SLC15A5: variants seen among roughly 807,000 people sequenced by gnomAD.
SLC15A5 encodes Peptide/histidine transporter ENSP00000340402.
In SLC15A5, 58 loss-of-function variants were observed where a neutral mutation model predicts 56.1. The ratio of observed to expected loss-of-function variants is 1.03; its 90% CI spans 0.84 to 1.29. The LOEUF (loss-of-function observed/expected upper bound fraction) is 1.29, where lower values mean the gene tolerates loss of function less well. SLC15A5 is among the 50% of genes most tolerant of loss of function. The pLI, the probability that SLC15A5 is intolerant of heterozygous loss-of-function variation, is 0.00. For synonymous variants in SLC15A5, 264 were observed against 250.5 expected, an observed-to-expected ratio of 1.05 and a Z score of -0.51; for missense variants, 681 against 672.1, an observed-to-expected ratio of 1.01 and a Z score of -0.15.
intron 2 of SLC15A5, among the ~76,000 whole-genome samples, chr12:16,263,355 G>A (rs2136814259): frequency 6.6e-6 from 1 of 152,114 alleles, no homozygotes. Flanking sequence ...GATGATTTAG[G>A]GCATCTGGCA....
chr12:16,248,077 CT>C (rs1864480145), intron 3 of SLC15A5, among the ~76,000 whole-genome samples: 1 of 152,012 alleles, frequency 6.6e-6, no homozygotes, highest in South Asian at 2.1e-4. Flanking sequence ...AAGATGTCTA[CT>C]TTTTTCCCCC....
rs146861223 is a variant in SLC15A5 at position 16,210,050 on chromosome 12, C to T, written c.1483+6843G>A. On this transcript the variant is annotated intron_variant, in intron 7 of 8. Coordinates refer to ENST00000344941, the MANE Select transcript of SLC15A5 (RefSeq NM_001170798.1). ...CTCCAATGTGACTTCATGCCATTTC[C>T]TCCTTTTTTGAATATTTTCAGCTTA... is the stretch of plus-strand genomic sequence containing the variant. 9.5e-4 allele frequency among the ~76,000 whole-genome samples: 144 copies of T among 152,248 alleles called. 1 individual carries two copies. The highest frequency in any genetic ancestry group is 3.3e-3 in the African/African-American group (136 of 41,548).
intron 1 of SLC15A5, among the ~76,000 whole-genome samples, chr12:16,273,793 T>C (rs977432205): frequency 6.6e-6 from 1 of 150,590 alleles, no homozygotes; most frequent in South Asian, 2.1e-4. Flanking sequence ...AAGTAATACA[T>C]TCTTACTTCA....
chr12:16,238,707 T>C (rs558725445), intron 5 of SLC15A5, among the ~76,000 whole-genome samples: 1 of 151,676 alleles, frequency 6.6e-6, no homozygotes, highest in African/African-American at 2.4e-5. Context: ...ACTATTTCAA[T>C]AGAATTGTTT....
Position 16,202,437 on chromosome 12 carries a change from G to A in SLC15A5, c.1484-7984C>T, listed in dbSNP as rs553082418. 6.0e-4 allele frequency among the ~76,000 whole-genome samples: 92 copies of A among 152,214 alleles called. 1 individual carries two copies. The highest frequency in any genetic ancestry group is 2.0e-3 in the African/African-American group (84 of 41,576). On this transcript the variant is annotated intron_variant, in intron 7 of 8. Coordinates refer to ENST00000344941, the MANE Select transcript of SLC15A5 (RefSeq NM_001170798.1). ...CCAGTGAGAACGTTATGAAAAAGAT[G>A]AAAGATAAGTGTTGATGAGGATGTG...
chr12:16,236,584 A>T (rs1258627009), intron 5 of SLC15A5, among the ~76,000 whole-genome samples: 1 of 152,192 alleles, frequency 6.6e-6, no homozygotes, highest in African/African-American at 2.4e-5. Flanking sequence ...TTTTTTCTTT[A>T]TAAATTTCTA....
At chr12:16,242,223 T>G (rs1373943794) in intron 4 of SLC15A5, among the ~76,000 whole-genome samples, 1 of 152,204 alleles carries the variant, frequency 6.6e-6, no homozygotes, top group African/African-American at 2.4e-5. Flanking sequence ...GGTGATTATT[T>G]CATCTGGGGG....
Position 16,199,921 on chromosome 12 carries a change from A to G in SLC15A5, c.1484-5468T>C, listed in dbSNP as rs61915892. On this transcript the variant is annotated intron_variant, in intron 7 of 8. Transcript: ENST00000344941. ...GTCTATAATCACTCTATCTAGTCAG[A>G]GTGTTAGAAAACCTAAAAATGCTGT... Among the ~76,000 whole-genome samples, 1,015 of 152,106 alleles carry G rather than the reference A, an allele frequency of 6.7e-3. 1 individual carries two copies. The highest frequency in any genetic ancestry group is 8.6e-3 in the Non-Finnish European group (588 of 67,978).
intron 7 of SLC15A5, among the ~76,000 whole-genome samples, chr12:16,205,788 C>G (rs1864013356): frequency 6.6e-6 from 1 of 151,872 alleles, no homozygotes; most frequent in South Asian, 2.1e-4. Flanking sequence ...TCTGTTATCT[C>G]TCTTTGGAGA....
At chr12:16,219,602 C>T (rs1375483267) in intron 6 of SLC15A5, among the ~76,000 whole-genome samples, 1 of 152,094 alleles carries the variant, frequency 6.6e-6, no homozygotes, top group East Asian at 1.9e-4. Flanking sequence ...AGCTCTCTGC[C>T]TGCTGGTTAA....
chr12:16,234,338 CACTCTT>C (rs1864326881), intron 5 of SLC15A5, among the ~76,000 whole-genome samples: 1 of 152,152 alleles, frequency 6.6e-6, no homozygotes, highest in Admixed American at 6.5e-5. Context: ...CAAACCATAG[CACTCTT>C]ACCTAGGTAT....
intron 6 of SLC15A5, among the ~76,000 whole-genome samples, chr12:16,221,690 GT>G (rs2136248356): frequency 6.6e-6 from 1 of 152,292 alleles, no homozygotes; most frequent in Admixed American, 6.5e-5. Context: ...CACCACAACT[GT>G]TTTGAAGAGA....
intron 8 of SLC15A5, among the ~76,000 whole-genome samples, chr12:16,192,483 A>C (rs1418426228): frequency 6.6e-6 from 1 of 151,892 alleles, no homozygotes; most frequent in Non-Finnish European, 1.5e-5. Flanking sequence ...ACTATTTCTC[A>C]CTTCTTTACA....
chr12:16,256,767 G>A (rs1864577544), intron 3 of SLC15A5, among the ~76,000 whole-genome samples: 1 of 151,988 alleles, frequency 6.6e-6, no homozygotes, highest in African/African-American at 2.4e-5. Context: ...GCTGAGGCAG[G>A]TGAATGGCGT....
intron 7 of SLC15A5, among the ~76,000 whole-genome samples, chr12:16,204,832 C>G (rs1359547133): frequency 1.3e-5 from 2 of 151,860 alleles, no homozygotes; most frequent in African/African-American, 2.4e-5. Context: ...TTTAATAAAA[C>G]CAAAATGAAA....
In SLC15A5 at chr12:16,271,569, AAAG is replaced by A. The variant is rs1864757004; in HGVS notation, c.584+989_584+991del. Among the ~76,000 whole-genome samples, 1 of 111,598 alleles carries A rather than the reference AAAG, an allele frequency of 9.0e-6. No homozygotes were observed. Among genetic ancestry groups the A allele is most frequent in the African/African-American group, 3.5e-5 (1 of 28,978 alleles). 73.2% of individuals were successfully genotyped at this position (111,598 alleles called of 152,430 possible). On this transcript the variant is annotated intron_variant, in intron 2 of 8. Transcript: ENST00000344941. This position sits in a 1 kb window ranked among gnomAD's most constrained non-coding sequence, Gnocchi z 8.0. ...ATATTAATATAATTGGAGAAAGAAA[AAAG>A]GGGAGCAAGAGAAAGAAAAAGAAAG...
At chr12:16,229,353 C>A (rs1864272484) in intron 5 of SLC15A5, among the ~76,000 whole-genome samples, 1 of 152,142 alleles carries the variant, frequency 6.6e-6, no homozygotes, top group Non-Finnish European at 1.5e-5. Context: ...TAAACTCTTT[C>A]TTTTCCATCT....
intron 7 of SLC15A5, among the ~76,000 whole-genome samples, chr12:16,194,681 A>G (rs1296433022): frequency 6.6e-6 from 1 of 152,086 alleles, no homozygotes; most frequent in Non-Finnish European, 1.5e-5. Context: ...CTTAATTTGC[A>G]TCGCACAAAT....
At chr12:16,256,347 GA>G (rs1864571463) in intron 3 of SLC15A5, among the ~76,000 whole-genome samples, 1 of 152,124 alleles carries the variant, frequency 6.6e-6, no homozygotes, top group Admixed American at 6.5e-5. Flanking sequence ...AATCATCAAT[GA>G]ATGCTAACTC....
Sources: allele counts gnomAD v4.1 joint callset (sites outside exome capture counted in the v4.1 genomes callset), GRCh38; gene constraint gnomAD v4.1.1; non-coding constraint Gnocchi (gnomAD v3.1); transcripts MANE v1.5; gene names NCBI Gene and HGNC (gene_info 2026-07-23, HGNC 2026-07-21).